Variants in WASF1 observed in about 807,000 individuals in gnomAD.
WASF1 encodes actin-binding protein WASF1.
WASF1 carries 7 observed loss-of-function variants against 50.5 expected under a neutral mutation model. The ratio of observed to expected loss-of-function variants is 0.14; its 90% CI spans 0.08 to 0.26. WASF1 has a LOEUF of 0.26. Ranked by LOEUF, WASF1 falls within the 10% of genes least tolerant of loss-of-function variation. The probability of loss-of-function intolerance (pLI) is 1.00; values close to 1 mark genes in which losing one functional copy is unlikely to be tolerated. For missense variants in WASF1, 470 were observed against 694.7 expected (o/e 0.68, Z 3.64); for synonymous variants, 205 against 244.0 (o/e 0.84, Z 1.49).
chr6:110,105,277 T>G, intron 8 of WASF1, 130 bp downstream of exon 8: 3 of 1,026,598 alleles, frequency 2.9e-6, no homozygotes, highest in Non-Finnish European at 4.1e-6. Context: ...GGTCAGGATT[T>G]TGAAATAATC....
intron 3 of WASF1, among the ~76,000 whole-genome samples, chr6:110,142,952 T>TAAAAAAAAAAAAAAAAAAAAAACAAAAAA (rs5879060): frequency 8.4e-6 from 1 of 119,182 alleles, no homozygotes. Flanking sequence ...CCCAATGATG[T>TAAAAAAAAAAAAAAAAAAAAAACAAAAAA]AAAAAAAAAA....
At chr6:110,124,253 T>TCTCTCTCC (rs1774300161) in intron 4 of WASF1, among the ~76,000 whole-genome samples, 1 of 52,666 alleles carries the variant, frequency 1.9e-5, no homozygotes, top group Non-Finnish European at 3.3e-5. Flanking sequence ...TCTCTCTCTC[T>TCTCTCTCC]CTCTCTCTCT....
intron 4 of WASF1, among the ~76,000 whole-genome samples, chr6:110,123,419 C>G (rs2114504450): frequency 6.6e-6 from 1 of 152,092 alleles, no homozygotes; most frequent in Non-Finnish European, 1.5e-5. Flanking sequence ...GCCAAAATAA[C>G]TTGAAGAAGA....
At chr6:110,168,116 A>G (rs1365756412) in intron 2 of WASF1, among the ~76,000 whole-genome samples, 1 of 152,052 alleles carries the variant, frequency 6.6e-6, no homozygotes, top group Admixed American at 6.6e-5. Flanking sequence ...TAAAATAAAT[A>G]CTATTTTCAC....
intron 4 of WASF1, among the ~76,000 whole-genome samples, chr6:110,119,759 A>C (rs1774002545): frequency 6.6e-6 from 1 of 152,218 alleles, no homozygotes. Context: ...TTAGGCCAAT[A>C]TCTCTGATGA....
chr6:110,161,582 C>G (rs899119559), intron 2 of WASF1, among the ~76,000 whole-genome samples: 15 of 151,552 alleles, frequency 9.9e-5, no homozygotes, highest in African/African-American at 3.4e-4. Flanking sequence ...ATTTATCGCA[C>G]TGTATTATGT....
rs1341172914 is a variant in WASF1, at chr6:110,106,987, T to C, written c.540+90A>G. On this transcript the variant is annotated intron_variant, in intron 7 of 10. Transcript: ENST00000392589. Reference sequence around the variant, plus strand: ...CTATATGGACCCAATAAAATAAAACTGTCAAAATACAAGATTAATGAAGTT... The same window carrying C: ...CTATATGGACCCAATAAAATAAAACCGTCAAAATACAAGATTAATGAAGTT... The C allele has an allele frequency of 3.7e-5, 35 of 937,162 alleles. No individual in the cohort carries two copies. In the East Asian group the frequency reaches 8.4e-4, roughly 22 times the overall value. 58.1% of individuals were successfully genotyped at this position (937,162 alleles called of 1,614,324 possible). A position where few individuals can be genotyped will look rare whatever the true frequency, so the allele number is the denominator to read the frequency against.
intron 3 of WASF1, among the ~76,000 whole-genome samples, chr6:110,134,677 C>T (rs555735207): frequency 1.3e-5 from 2 of 152,168 alleles, no homozygotes; most frequent in African/African-American, 4.8e-5. Flanking sequence ...CTGCCTGCCT[C>T]GGCCTCCCAA....
chr6:110,170,150 G>C (rs1776643963), intron 2 of WASF1, among the ~76,000 whole-genome samples: 1 of 152,108 alleles, frequency 6.6e-6, no homozygotes, highest in Admixed American at 6.6e-5. Flanking sequence ...TAATTGATAT[G>C]CTAAGAGAGG....
At chr6:110,172,445 G>C (rs1320882829) in intron 2 of WASF1, among the ~76,000 whole-genome samples, 1 of 152,088 alleles carries the variant, frequency 6.6e-6, no homozygotes, top group Non-Finnish European at 1.5e-5. Context: ...TAAATTTGTA[G>C]TTGTGTATTA....
intron 4 of WASF1, among the ~76,000 whole-genome samples, chr6:110,114,488 G>A (rs189104285): frequency 4.6e-5 from 7 of 152,108 alleles, no homozygotes; most frequent in African/African-American, 1.7e-4. Context: ...TGTACTTTTT[G>A]CGAATACCTT....
At chr6:110,142,627 A>T (rs74379395) in intron 3 of WASF1, among the ~76,000 whole-genome samples, 6,018 of 152,162 alleles carry the variant, frequency 0.04, 140 homozygotes, top group East Asian at 0.12. Flanking sequence ...AAAGAATTTT[A>T]AAAAAATCAA....
intron 2 of WASF1, among the ~76,000 whole-genome samples, chr6:110,167,098 T>C (rs564894749): frequency 6.6e-6 from 1 of 151,818 alleles, no homozygotes; most frequent in East Asian, 1.9e-4. Flanking sequence ...TTAGCCATCA[T>C]ACACAATGTA....
chr6:110,113,556 T>A (rs1009879015), intron 4 of WASF1, 96 bp from the exon 5 acceptor site: 2 of 1,125,382 alleles, frequency 1.8e-6, no homozygotes, highest in Admixed American at 2.8e-5. Context: ...ATATTTGCCC[T>A]CAGATACTTT....
At chr6:110,106,134 G>C (rs1057374844) in intron 7 of WASF1, among the ~76,000 whole-genome samples, 2 of 152,226 alleles carry the variant, frequency 1.3e-5, no homozygotes, top group Non-Finnish European at 2.9e-5. Context: ...GAAAGGGCTA[G>C]AGTAAGTGTA....
intron 9 of WASF1, among the ~76,000 whole-genome samples, chr6:110,102,697 C>T (rs1773147884): frequency 6.7e-6 from 1 of 149,748 alleles, no homozygotes. Flanking sequence ...ACAGCTCTCT[C>T]TTTTCCTGAG....
intron 3 of WASF1, among the ~76,000 whole-genome samples, chr6:110,129,537 C>A (rs578177548): frequency 6.6e-6 from 1 of 152,194 alleles, no homozygotes; most frequent in South Asian, 2.1e-4. Flanking sequence ...AGCAAAAAAA[C>A]CTTCACATTT....
chr6:110,136,511 T>C (rs567091506), intron 3 of WASF1, among the ~76,000 whole-genome samples: 65 of 152,238 alleles, frequency 4.3e-4, no homozygotes, highest in Non-Finnish European at 7.6e-4. Flanking sequence ...ACTAAGACTA[T>C]ACAGTTGTTA....
chr6:110,142,952 T>TAAAAAAAAAAAAA (rs5879060), intron 3 of WASF1, among the ~76,000 whole-genome samples: 13 of 119,134 alleles, frequency 1.1e-4, no homozygotes, highest in African/African-American at 2.0e-4. Flanking sequence ...CCCAATGATG[T>TAAAAAAAAAAAAA]AAAAAAAAAA....
Sources: allele counts gnomAD v4.1 joint callset (sites outside exome capture counted in the v4.1 genomes callset), GRCh38; gene constraint gnomAD v4.1.1; transcripts MANE v1.5; gene names NCBI Gene and HGNC (gene_info 2026-07-23, HGNC 2026-07-21).